PCDHGB3: variants seen among roughly 807,000 people sequenced by gnomAD.
PCDHGB3 encodes the protein protocadherin gamma subfamily B, 3.
Under a neutral mutation model 59.2 loss-of-function variants are expected in PCDHGB3, and 40 were observed. The observed-to-expected ratio is 0.68, with a 90% confidence interval of 0.52 to 0.88. The LOEUF (loss-of-function observed/expected upper bound fraction) is 0.88. Ranked by LOEUF, PCDHGB3 falls within the 40% of genes least tolerant of loss-of-function variation. The pLI is 0.00. For missense variants in PCDHGB3, 1,309 were observed against 1,187.9 expected (o/e 1.10, Z -1.50); for synonymous variants, 581 against 503.6 (o/e 1.15, Z -2.06).
chr5:141,460,278 G>C (rs1380767218), intron 1 of PCDHGB3, among the ~76,000 whole-genome samples: 1 of 151,964 alleles, frequency 6.6e-6, no homozygotes, highest in African/African-American at 2.4e-5. Context: ...TTCTTTTATA[G>C]TTTGTATTTC....
chr5:141,419,276 C>G (rs1361651445), intron 1 of PCDHGB3: 1 of 1,613,920 alleles, frequency 6.2e-7, no homozygotes, highest in African/African-American at 1.3e-5. Flanking sequence ...CTCCATAGCG[C>G]AAGTCAGTGC....
intron 3 of PCDHGB3, among the ~76,000 whole-genome samples, chr5:141,508,954 C>A (rs2154594435): frequency 6.6e-6 from 1 of 152,170 alleles, no homozygotes; most frequent in Admixed American, 6.5e-5. Context: ...AGAGAAATGT[C>A]AGCGGAATGA....
intron 1 of PCDHGB3, chr5:141,398,815 A>G (rs1369560562): frequency 6.2e-7 from 1 of 1,613,870 alleles, no homozygotes; most frequent in East Asian, 2.2e-5. Context: ...TGAGCTCCGG[A>G]TCCAGGTAAC....
chr5:141,389,660 G>A (rs1302432237), intron 1 of PCDHGB3: 4 of 1,612,338 alleles, frequency 2.5e-6, no homozygotes, highest in African/African-American at 2.7e-5. Flanking sequence ...TAGTGGCGGT[G>A]GACGCAGACT....
chr5:141,415,853 G>GTAGTT, intron 1 of PCDHGB3: 1 of 1,186,350 alleles, frequency 8.4e-7, no homozygotes, highest in Non-Finnish European at 1.1e-6. Context: ...GCAGAACCTT[G>GTAGTT]TAGTTTATAG....
intron 1 of PCDHGB3, chr5:141,388,084 G>A (rs2091232719): frequency 7.3e-7 from 1 of 1,364,538 alleles, no homozygotes; most frequent in Admixed American, 2.0e-5. Context: ...CGAAAACTGC[G>A]CGTCAGTTCG....
intron 1 of PCDHGB3, chr5:141,374,698 A>G: frequency 6.2e-7 from 1 of 1,609,364 alleles, no homozygotes; most frequent in Non-Finnish European, 8.5e-7. Context: ...GGGAAGGAGA[A>G]GCCGTTTACC....
intron 1 of PCDHGB3, among the ~76,000 whole-genome samples, chr5:141,402,640 T>G (rs1180615388): frequency 1.3e-5 from 2 of 152,232 alleles, no homozygotes; most frequent in East Asian, 3.8e-4. Flanking sequence ...TCTAAAATCA[T>G]AATTAGAAGA....
rs767497197 is a variant in PCDHGB3, at chr5:141,486,350, T to C, written c.2416-8457T>C. The C allele has an allele frequency of 6.2e-7, 1 of 1,614,128 alleles. No homozygotes were observed. Among genetic ancestry groups the C allele is most frequent in the South Asian group, 1.1e-5 (1 of 91,074 alleles). On this transcript the variant is annotated intron_variant, in intron 1 of 3. Transcript: ENST00000576222. The surrounding 1 kb of genome is among the most constrained non-coding windows in gnomAD (Gnocchi z 5.0). ...TGTGAGCCTCCGCATTCCTGACCAC[T>C]TGCCATTTGCCCTCAAGTCTGCCTT...
chr5:141,402,593 G>T (rs4151700), intron 1 of PCDHGB3, among the ~76,000 whole-genome samples: 8,085 of 152,244 alleles, frequency 0.053, 229 homozygotes, highest in South Asian at 0.08. Flanking sequence ...AAAATAGATT[G>T]CTTTTGAAAT....
Position 141,374,021 on chromosome 5 carries a change from C to G in PCDHGB3, c.2415+1212C>G. 3 of 1,406,168 alleles carry G rather than the reference C, an allele frequency of 2.1e-6. No homozygotes were observed. In the South Asian group the frequency reaches 5.2e-5, roughly 24 times the overall value. The allele number at this position is 1,406,168 out of a possible 1,614,324, so 87.1% of individuals were successfully genotyped here. The stretch of plus-strand genomic sequence containing the variant: ...CCTTCACCGCTATTTCTGAGAAGAG[C>G]AAAAGTGATGCAGATCTGTTCTTCC... On this transcript the variant is annotated intron_variant, in intron 1 of 3. Transcript: ENST00000576222.
intron 1 of PCDHGB3, chr5:141,375,763 C>G: frequency 6.2e-7 from 1 of 1,614,242 alleles, no homozygotes; most frequent in South Asian, 1.1e-5. Context: ...ACAATGCGCC[C>G]GAGATCCTGT....
intron 2 of PCDHGB3, among the ~76,000 whole-genome samples, chr5:141,504,490 TGC>T (rs2099838709): frequency 6.6e-6 from 1 of 152,056 alleles, no homozygotes; most frequent in Non-Finnish European, 1.5e-5. Flanking sequence ...TGGAGGCACC[TGC>T]CCAGTCTGAG....
At chr5:141,407,969 A>C (rs900029714) in intron 1 of PCDHGB3, 1 of 708,308 alleles carries the variant, frequency 1.4e-6, no homozygotes, top group Non-Finnish European at 2.2e-6. Flanking sequence ...GCAAGCGCTG[A>C]CGCCGGGGAT....
At chr5:141,402,433 A>C (rs1331958085) in intron 1 of PCDHGB3, among the ~76,000 whole-genome samples, 1 of 152,146 alleles carries the variant, frequency 6.6e-6, no homozygotes, top group Non-Finnish European at 1.5e-5. Context: ...GAAGCATCAT[A>C]AAAAGGAAAT....
chr5:141,374,408 C>T (rs769866993), intron 1 of PCDHGB3: 1 of 1,614,034 alleles, frequency 6.2e-7, no homozygotes, highest in East Asian at 2.2e-5. Context: ...TTTTAACATC[C>T]TTGTCGAGGA....
In PCDHGB3 at chr5:141,491,250, C is replaced by T. The variant is rs1328621598; in HGVS notation, c.2416-3557C>T. The T allele has an allele frequency of 6.2e-7, 1 of 1,614,148 alleles. No individual in the cohort carries two copies. Among genetic ancestry groups the T allele is most frequent in the South Asian group, 1.1e-5 (1 of 91,092 alleles). ...TGCTGCTGGTTCTGGAGGATGAGGA[C>T]CCTGAGGAAATGCCCAAATCCAGTG... On this transcript the variant is annotated intron_variant, in intron 1 of 3. Transcript: ENST00000576222. The surrounding 1 kb of genome is among the most constrained non-coding windows in gnomAD (Gnocchi z 6.9).
At chr5:141,506,865 G>T (rs1403350484) in intron 3 of PCDHGB3, among the ~76,000 whole-genome samples, 1 of 152,186 alleles carries the variant, frequency 6.6e-6, no homozygotes, top group African/African-American at 2.4e-5. Flanking sequence ...GGACTGGTGG[G>T]TAGAGAACCA....
At chr5:141,394,658 A>G (rs755560495) in intron 1 of PCDHGB3, 1 of 1,610,022 alleles carries the variant, frequency 6.2e-7, no homozygotes, top group South Asian at 1.1e-5. Flanking sequence ...GCGAGCCGGG[A>G]CTCTTCTCGG....
Sources: allele counts gnomAD v4.1 joint callset (sites outside exome capture counted in the v4.1 genomes callset), GRCh38; gene constraint gnomAD v4.1.1; non-coding constraint Gnocchi (gnomAD v3.1); transcripts MANE v1.5; gene names NCBI Gene and HGNC (gene_info 2026-07-23, HGNC 2026-07-21).